PTPRD: variants seen among roughly 807,000 people sequenced by gnomAD.
The protein encoded by PTPRD is receptor-type tyrosine-protein phosphatase delta.
A neutral mutation model predicts 214.5 loss-of-function variants in PTPRD; 34 were observed. The observed-to-expected ratio is 0.16, with a 90% CI of 0.12 to 0.21. The LOEUF (loss-of-function observed/expected upper bound fraction) is 0.21. Ranked by LOEUF, PTPRD falls within the 10% of genes least tolerant of loss-of-function variation. The probability of loss-of-function intolerance (pLI) is 1.00; values close to 1 mark genes in which losing one functional copy is unlikely to be tolerated. For missense variants in PTPRD, 2,545 were observed against 2,398.7 expected (o/e 1.06, Z -1.27); for synonymous variants, 1,128 against 845.7 (o/e 1.33, Z -5.79).
intron 11 of PTPRD, among the ~76,000 whole-genome samples, chr9:8,864,783 T>G (rs141092842): frequency 5.3e-5 from 8 of 152,304 alleles, no homozygotes; most frequent in African/African-American, 1.9e-4. Flanking sequence ...TCCCCATGAG[T>G]AACTGGGGGT....
chr9:9,838,874 T>G (rs2153629660), intron 5 of PTPRD, among the ~76,000 whole-genome samples: 1 of 152,270 alleles, frequency 6.6e-6, no homozygotes, highest in South Asian at 2.1e-4. Context: ...TGCCTAGGTT[T>G]TCTTCTAGGA....
At chr9:9,777,085 A>G (rs1312754173) in intron 5 of PTPRD, among the ~76,000 whole-genome samples, 1 of 152,230 alleles carries the variant, frequency 6.6e-6, no homozygotes, top group Non-Finnish European at 1.5e-5. Context: ...ATTTTGAAAC[A>G]GATATGCTAG....
In PTPRD at chr9:10,060,912, CT is replaced by C. The variant is rs1308900527; in HGVS notation, c.-544-27123del. Among the ~76,000 whole-genome samples, 30 of 111,366 alleles carry C rather than the reference CT, an allele frequency of 2.7e-4. 1 individual carries two copies. The highest frequency in any genetic ancestry group is 3.9e-3 in the Middle Eastern group (1 of 258). 73.1% of individuals were successfully genotyped at this position (111,366 alleles called of 152,430 possible). On this transcript the variant is annotated intron_variant, in intron 3 of 45. Coordinates refer to ENST00000381196, the MANE Select transcript of PTPRD (RefSeq NM_002839.4). ...TCCTTCCTTCCTTCTTTCTTTCTTTCTTTCTTTCTTTCTTTCTTTCTTTCTT... is the reference window on the plus strand; with the variant it reads ...TCCTTCCTTCCTTCTTTCTTTCTTTCTTCTTTCTTTCTTTCTTTCTTTCTT...
chr9:9,878,457 T>C (rs1041487608), intron 5 of PTPRD, among the ~76,000 whole-genome samples: 8 of 152,104 alleles, frequency 5.3e-5, no homozygotes, highest in African/African-American at 1.7e-4. Context: ...AGGAGAGTCA[T>C]CTAAGTGAAG....
chr9:10,070,851 A>G (rs1386389399), intron 3 of PTPRD, among the ~76,000 whole-genome samples: 1 of 152,036 alleles, frequency 6.6e-6, no homozygotes, highest in East Asian at 1.9e-4. Context: ...GATTATGATT[A>G]CCTTATTTTG....
In PTPRD at chr9:9,016,488, T is replaced by C. The variant is rs1373897202; in HGVS notation, c.-104+2209A>G. 2.6e-5 allele frequency among the ~76,000 whole-genome samples: 4 copies of C among 152,244 alleles called. No homozygotes were observed. In the East Asian group the frequency reaches 5.8e-4, roughly 22 times the overall value. ...TTTGAGATTTACATGAGAGAATATA[T>C]GTAAAACAAACCAGCCTAGTACTGG... On this transcript the variant is annotated intron_variant, in intron 11 of 45. Coordinates refer to ENST00000381196, the MANE Select transcript of PTPRD (RefSeq NM_002839.4).
intron 5 of PTPRD, among the ~76,000 whole-genome samples, chr9:9,864,969 T>C (rs1420190965): frequency 6.6e-6 from 1 of 152,186 alleles, no homozygotes; most frequent in Non-Finnish European, 1.5e-5. Flanking sequence ...ATGGTGTATA[T>C]TATAGATTCT....
At chr9:8,370,811 C>G (rs1170263939) in intron 39 of PTPRD, among the ~76,000 whole-genome samples, 1 of 152,024 alleles carries the variant, frequency 6.6e-6, no homozygotes, top group Non-Finnish European at 1.5e-5. Context: ...ATTTATAGGG[C>G]CATGCAACAT....
chr9:8,428,409 C>T (rs1279667710), intron 35 of PTPRD, among the ~76,000 whole-genome samples: 2 of 152,156 alleles, frequency 1.3e-5, no homozygotes, highest in South Asian at 2.1e-4. Flanking sequence ...TTCACAAAAT[C>T]GCTCATTTTT....
chr9:8,378,491 A>G (rs1292667331), intron 37 of PTPRD, among the ~76,000 whole-genome samples: 1 of 152,104 alleles, frequency 6.6e-6, no homozygotes, highest in Non-Finnish European at 1.5e-5. Flanking sequence ...TGTCAGGTGG[A>G]TGTCTCCCAG....
At chr9:10,416,548 C>G (rs1234581888) in intron 2 of PTPRD, among the ~76,000 whole-genome samples, 1 of 151,614 alleles carries the variant, frequency 6.6e-6, no homozygotes, top group Non-Finnish European at 1.5e-5. Flanking sequence ...ACTAAAAAAG[C>G]GATGAGAAAA....
intron 3 of PTPRD, among the ~76,000 whole-genome samples, chr9:10,200,317 T>C (rs903144131): frequency 4.6e-5 from 7 of 152,072 alleles, no homozygotes; most frequent in Non-Finnish European, 1.0e-4. Flanking sequence ...AACTGGGAAA[T>C]TTTTTTCCAC....
intron 2 of PTPRD, among the ~76,000 whole-genome samples, chr9:10,586,595 T>C (rs2073959445): frequency 6.6e-6 from 1 of 152,092 alleles, no homozygotes; most frequent in Non-Finnish European, 1.5e-5. Context: ...GAATGAATTA[T>C]GTTCTTATAT....
At chr9:8,553,303 C>T (rs1034618102) in intron 14 of PTPRD, among the ~76,000 whole-genome samples, 2 of 152,100 alleles carry the variant, frequency 1.3e-5, no homozygotes, top group Non-Finnish European at 2.9e-5. Flanking sequence ...AAACCCTCTA[C>T]GGAAGCAGAA....
chr9:8,654,416 G>A (rs1403940886), intron 12 of PTPRD, among the ~76,000 whole-genome samples: 1 of 152,152 alleles, frequency 6.6e-6, no homozygotes, highest in African/African-American at 2.4e-5. Context: ...CAAGGATCAT[G>A]CTTCCACTAA....
At chr9:9,337,629 C>T (rs1403491474) in intron 9 of PTPRD, among the ~76,000 whole-genome samples, 1 of 152,124 alleles carries the variant, frequency 6.6e-6, no homozygotes, top group South Asian at 2.1e-4. Flanking sequence ...CATACGTGAA[C>T]CTGCAAATTT....
At chr9:8,788,571 G>A (rs930426929) in intron 11 of PTPRD, among the ~76,000 whole-genome samples, 8 of 152,010 alleles carry the variant, frequency 5.3e-5, no homozygotes, top group Non-Finnish European at 7.4e-5. Flanking sequence ...CACTGCGCCC[G>A]GCCAAGATGA....
chr9:9,045,111 T>C (rs1172117724), intron 10 of PTPRD, among the ~76,000 whole-genome samples: 7 of 152,198 alleles, frequency 4.6e-5, no homozygotes, highest in Non-Finnish European at 8.8e-5. Context: ...TGTTCTGTTA[T>C]GGTTCAAATT....
At chr9:9,649,789 A>C (rs2096286861) in intron 7 of PTPRD, among the ~76,000 whole-genome samples, 1 of 152,208 alleles carries the variant, frequency 6.6e-6, no homozygotes. Context: ...GTCATTTTAA[A>C]TTTAAGACAA....
Sources: allele counts gnomAD v4.1 joint callset (sites outside exome capture counted in the v4.1 genomes callset), GRCh38; gene constraint gnomAD v4.1.1; transcripts MANE v1.5; gene names NCBI Gene and HGNC (gene_info 2026-07-23, HGNC 2026-07-21).